The following BAG4 variants were observed in gnomAD, a reference collection of about 807,000 sequenced individuals.
BAG4 encodes BAG cochaperone 4.
In BAG4, 28 loss-of-function variants were observed where a neutral mutation model predicts 52.1. That is an observed-to-expected ratio of 0.54 (90% confidence interval 0.40 to 0.74). The LOEUF (loss-of-function observed/expected upper bound fraction) is 0.74, where lower values mean the gene tolerates loss of function less well. BAG4 is among the 30% of genes least tolerant of loss of function. The probability of loss-of-function intolerance (pLI) is 0.00; values close to 1 mark genes in which losing one functional copy is unlikely to be tolerated. For missense variants in BAG4, 525 were observed against 572.0 expected (o/e 0.92, Z 0.84); for synonymous variants, 208 against 217.0 (o/e 0.96, Z 0.37).
At chr8:38,190,599 C>CG (rs1563281205) in intron 1 of BAG4, among the ~76,000 whole-genome samples, 1 of 136,330 alleles carries the variant, frequency 7.3e-6, no homozygotes, top group Non-Finnish European at 1.6e-5. Context: ...GCCCACCTGA[C>CG]ATTTTTTTTT....
intron 3 of BAG4, 124 bp downstream of exon 3, chr8:38,207,890 T>C (rs553579087): frequency 8.4e-7 from 1 of 1,184,524 alleles, no homozygotes; most frequent in East Asian, 2.6e-5. Flanking sequence ...AAGGCTTTTA[T>C]ATTGATGCCT....
rs369666639 is a variant in BAG4, at chr8:38,177,094, G to T, written c.225G>T (p.Ser75=). ...EGGGGDGYYP[S]GGAWPEPGRA... is the part of the protein sequence containing the mutation. ...GAGGAGGCGATGGCTACTATCCCTCGGGAGGCGCCTGGCCAGAGCCTGGTC... is the reference window on the plus strand; with the variant it reads ...GAGGAGGCGATGGCTACTATCCCTCTGGAGGCGCCTGGCCAGAGCCTGGTC... The change falls in exon 1 of 5, where the codon TCG becomes TCT. Residue 75 remains serine, a synonymous_variant. Coordinates refer to ENST00000287322, the MANE Select transcript of BAG4 (RefSeq NM_004874.4). 51 of 1,612,642 alleles carry T rather than the reference G, an allele frequency of 3.2e-5. No individual in the cohort carries two copies. Among genetic ancestry groups the T allele is most frequent in the South Asian group, 4.4e-5 (4 of 90,984 alleles).
rs779649720 is a variant in BAG4 at position 38,207,664 on chromosome 8, C to CAACA, written c.532_535dup (p.Ser179LysfsTer19). The CAACA allele has an allele frequency of 6.2e-7, 1 of 1,614,130 alleles. No individual in the cohort carries two copies. The highest frequency in any genetic ancestry group is 8.5e-7 in the Non-Finnish European group (1 of 1,179,994). On this transcript the variant is annotated frameshift_variant, in exon 3 of 5. Coordinates refer to ENST00000287322, the MANE Select transcript of BAG4 (RefSeq NM_004874.4). LOFTEE classifies it high-confidence loss of function. ...TTCCAAGTACTTACCGTTCATCTGG[C>CAACA]AACAGCCCAACTCCAGTCTCTCGTT...
chr8:38,185,103 A>T (rs927782791), intron 1 of BAG4, among the ~76,000 whole-genome samples: 1 of 151,930 alleles, frequency 6.6e-6, no homozygotes, highest in South Asian at 2.1e-4. Context: ...AAAAAAAAAA[A>T]AAATAGAATG....
At chr8:38,201,888 T>TA (rs1234932155) in intron 2 of BAG4, 1 of 61,242 alleles carries the variant, frequency 1.6e-5, no homozygotes, top group African/African-American at 5.7e-5. Context: ...ATATTTTTTT[T>TA]TTTTTTTTTT....
rs553068093 is a variant in BAG4 at position 38,212,573 on chromosome 8, C to G, written c.*2080C>G. The stretch of plus-strand genomic sequence containing the variant: ...GAGATTTTAGTCTTTTCACTAATGT[C>G]CTTTTACTGTTCCAAGACCCAGCCT... On this transcript the variant is annotated 3_prime_UTR_variant, in exon 5 of 5. Transcript: ENST00000287322. 1.3e-5 allele frequency: 2 copies of G among 152,240 alleles called. No homozygotes were observed. Among genetic ancestry groups the G allele is most frequent in the African/African-American group, 4.8e-5 (2 of 41,560 alleles). The allele number at this position is 152,240 out of a possible 1,614,324, so 9.4% of individuals were successfully genotyped here. A position where few individuals can be genotyped will look rare whatever the true frequency, so the allele number is the denominator to read the frequency against.
Position 38,210,068 on chromosome 8 carries a change from A to G in BAG4, c.949A>G (p.Ser317Gly), listed in dbSNP as rs1470411092. The change falls in exon 5 of 5, where the codon AGT (serine) becomes GGT (glycine). Residue 317 changes from serine (S) to glycine (G), a missense_variant. Coordinates refer to ENST00000287322, the MANE Select transcript of BAG4 (RefSeq NM_004874.4). ...CATGAACCGGCACAACTTTCCTTGCAGTGTCCATCAGTACGAATCCTCGGG... is the reference window on the plus strand; with the variant it reads ...CATGAACCGGCACAACTTTCCTTGCGGTGTCCATCAGTACGAATCCTCGGG... ...QSMNRHNFPCSVHQYESSGTV... is the reference protein window; with the variant it reads ...QSMNRHNFPCGVHQYESSGTV... 2 of 1,614,204 alleles carry G rather than the reference A, an allele frequency of 1.2e-6. No homozygotes were observed. Among genetic ancestry groups the G allele is most frequent in the South Asian group, 2.2e-5 (2 of 91,086 alleles).
chr8:38,180,347 AC>A (rs1803240750), intron 1 of BAG4, among the ~76,000 whole-genome samples: 1 of 151,478 alleles, frequency 6.6e-6, no homozygotes, highest in Non-Finnish European at 1.5e-5. Flanking sequence ...ACATGGCGAA[AC>A]CCCACCTCCA....
intron 2 of BAG4, 136 bp from the exon 3 acceptor site, chr8:38,207,376 A>G: frequency 1.0e-6 from 1 of 970,040 alleles, no homozygotes. Context: ...TGCTGGGATT[A>G]CAGGCATGAG....
chr8:38,182,903 A>C (rs1341664488), intron 1 of BAG4, among the ~76,000 whole-genome samples: 1 of 152,110 alleles, frequency 6.6e-6, no homozygotes, highest in Non-Finnish European at 1.5e-5. Context: ...TCATTAAAAA[A>C]ATTATGGCAT....
intron 1 of BAG4, among the ~76,000 whole-genome samples, chr8:38,177,827 A>T (rs922753693): frequency 7.9e-5 from 12 of 151,986 alleles, no homozygotes; most frequent in African/African-American, 2.7e-4. Flanking sequence ...CCTGCCGGAC[A>T]TATACTTCTG....
At chr8:38,178,013 C>T (rs1033400917) in intron 1 of BAG4, among the ~76,000 whole-genome samples, 1 of 152,092 alleles carries the variant, frequency 6.6e-6, no homozygotes, top group Non-Finnish European at 1.5e-5. Flanking sequence ...AAACATTAAG[C>T]ATTAGAATTA....
In BAG4 at chr8:38,207,782, T is replaced by C; in HGVS notation, c.633+16T>C. On this transcript the variant is annotated intron_variant, in intron 3 of 4. Coordinates refer to ENST00000287322, the MANE Select transcript of BAG4 (RefSeq NM_004874.4). The stretch of plus-strand genomic sequence containing the variant: ...GCCTTCACAGGTGAGTTGTTTTCTA[T>C]TGGGAAAAAAATGAATTCAAAGTCT... 3 of 1,611,700 alleles carry C rather than the reference T, an allele frequency of 1.9e-6. No homozygotes were observed. The highest frequency in any genetic ancestry group is 2.2e-5 in the East Asian group (1 of 44,854).
intron 2 of BAG4, among the ~76,000 whole-genome samples, chr8:38,194,340 A>G (rs1803526259): frequency 6.9e-6 from 1 of 145,852 alleles, no homozygotes; most frequent in Admixed American, 6.9e-5. Flanking sequence ...GTTGGTTTTC[A>G]TCTTTCTGTT....
chr8:38,209,103 G>A lies in BAG4; in HGVS notation c.724G>A (p.Ala242Thr). Reference protein sequence around the residue: ...SGPTVRPQEDAWASPGAYGMG... With the variant: ...SGPTVRPQEDTWASPGAYGMG... ...ACCGACTGTACGACCACAAGAAGATGCGTGGGCTTCTCCTGGTGCTTATGG... is the reference window on the plus strand; with the variant it reads ...ACCGACTGTACGACCACAAGAAGATACGTGGGCTTCTCCTGGTGCTTATGG... The change falls in exon 4 of 5, where the codon GCG (alanine) becomes ACG (threonine). Residue 242 changes from alanine (A) to threonine (T), a missense_variant. Around this residue, in one of 2 missense-constraint regions of BAG4, gnomAD observed 238 missense variants for 305.8 expected, o/e 0.78. Transcript: ENST00000287322. 3 of 1,614,138 alleles carry A rather than the reference G, an allele frequency of 1.9e-6. No homozygotes were observed. The highest frequency in any genetic ancestry group is 1.1e-5 in the South Asian group (1 of 91,070).
chr8:38,194,324 C>T lies in BAG4; in HGVS notation c.378+1529C>T, dbSNP rs369615338. Among the ~76,000 whole-genome samples, 18 of 151,178 alleles carry T rather than the reference C, an allele frequency of 1.2e-4. No individual in the cohort carries two copies. In the South Asian group the frequency reaches 3.8e-3, roughly 32 times the overall value. ...ACACTCCTGCAGCTTGCTTCTTTTG[C>T]TCATCGTTGGTTTTCATCTTTCTGT... On this transcript the variant is annotated intron_variant, in intron 2 of 4. Transcript: ENST00000287322.
At chr8:38,177,536 G>A (rs758112471) in intron 1 of BAG4, among the ~76,000 whole-genome samples, 40 of 152,312 alleles carry the variant, frequency 2.6e-4, no homozygotes, top group Non-Finnish European at 3.7e-4. Context: ...AGCCCCCGAT[G>A]CCGCTCAGGG....
rs186094741 is a variant in BAG4, at chr8:38,208,219, C to T, written c.633+453C>T. ...CTTGATCTCCTGACCTCGTGATCTGCCCCCCTCGGCCTCCCAAAGTGCTGG... is the reference window on the plus strand; with the variant it reads ...CTTGATCTCCTGACCTCGTGATCTGTCCCCCTCGGCCTCCCAAAGTGCTGG... On this transcript the variant is annotated intron_variant, in intron 3 of 4. Coordinates refer to ENST00000287322, the MANE Select transcript of BAG4 (RefSeq NM_004874.4). Among the ~76,000 whole-genome samples the T allele has an allele frequency of 2.9e-3, 438 of 151,314 alleles. 1 individual carries two copies. The highest frequency in any genetic ancestry group is 0.01 in the African/African-American group (425 of 41,198).
rs199683558 is a variant in BAG4, at chr8:38,209,845, CTG to C, written c.889-159_889-158del. Among the ~76,000 whole-genome samples the C allele has an allele frequency of 6.4e-3, 978 of 152,302 alleles. 9 individuals carry two copies. Among genetic ancestry groups the C allele is most frequent in the African/African-American group, 0.021 (882 of 41,562 alleles). ...GGCACTCCCTTTTATCTTCTTAGGA[CTG>C]TGTTTTTTTGCAAATGATTAAGGAG... On this transcript the variant is annotated intron_variant, in intron 4 of 4. Transcript: ENST00000287322.
Sources: allele counts gnomAD v4.1 joint callset (sites outside exome capture counted in the v4.1 genomes callset), GRCh38; gene constraint gnomAD v4.1.1; regional missense constraint gnomAD v4.1.1; transcripts MANE v1.5; gene names NCBI Gene and HGNC (gene_info 2026-07-23, HGNC 2026-07-21).